RAPGEF5: variants seen among roughly 807,000 people sequenced by gnomAD.
RAPGEF5 encodes the protein Rap guanine nucleotide exchange factor 5, also known as M-Ras-regulated GEF.
A neutral mutation model predicts 125.2 loss-of-function variants in RAPGEF5; 65 were observed. The observed-to-expected ratio is 0.52, with a 90% CI of 0.43 to 0.64. The LOEUF (loss-of-function observed/expected upper bound fraction) is 0.64. RAPGEF5 is among the 30% of genes least tolerant of loss of function. RAPGEF5 has a pLI of 0.00. For synonymous variants in RAPGEF5, 391 were observed against 385.9 expected (o/e 1.01, Z -0.16); for missense variants, 958 against 1,048.1 (o/e 0.91, Z 1.19).
At position 22,130,490 on chromosome 7, in the gene RAPGEF5, G is replaced by GCT. The variant is rs557364978; in HGVS notation, c.2481+546_2481+547insAG. On this transcript the variant is annotated intron_variant, in intron 24 of 25. Transcript: ENST00000665637. ...AGCCGCTCTGGCCGTGGTGCTCAGG[G>GCT]ATGGCACCCTTTGTCCATAGGCTGA... 2.1e-3 allele frequency among the ~76,000 whole-genome samples: 325 copies of GCT among 152,272 alleles called. 3 individuals carry two copies. Among genetic ancestry groups the GCT allele is most frequent in the African/African-American group, 7.4e-3 (308 of 41,552 alleles).
At chr7:22,229,229 G>A (rs1399772996) in intron 8 of RAPGEF5, among the ~76,000 whole-genome samples, 4 of 152,196 alleles carry the variant, frequency 2.6e-5, no homozygotes, top group Non-Finnish European at 4.4e-5. Flanking sequence ...TTTAGTGAGA[G>A]TAAGAAAAAA....
rs143350471 is a variant in RAPGEF5 at position 22,147,432 on chromosome 7, A to G, written c.1885-413T>C. 1.6e-3 allele frequency among the ~76,000 whole-genome samples: 243 copies of G among 152,382 alleles called. 2 individuals are homozygous for G. The highest frequency in any genetic ancestry group is 5.6e-3 in the African/African-American group (232 of 41,596). On this transcript the variant is annotated intron_variant, in intron 18 of 25. Coordinates refer to ENST00000665637, the MANE Select transcript of RAPGEF5 (RefSeq NM_012294.5). ...AGAAGAAATGTCATGGTGCACTTCAATAAAGACAGACATGGCGTTTACAGG... is the reference window on the plus strand; with the variant it reads ...AGAAGAAATGTCATGGTGCACTTCAGTAAAGACAGACATGGCGTTTACAGG...
chr7:22,337,479 A>G lies in RAPGEF5; in HGVS notation c.231+19351T>C, dbSNP rs1373574234. On this transcript the variant is annotated intron_variant, in intron 1 of 25. Coordinates refer to ENST00000665637, the MANE Select transcript of RAPGEF5 (RefSeq NM_012294.5). ...AAACGGCTGATAATTGGTTAACTAT[A>G]CCTACATCTTAGCAGAATTCAGGAC... 2.6e-5 allele frequency among the ~76,000 whole-genome samples: 4 copies of G among 152,230 alleles called. 1 individual carries two copies. The highest frequency in any genetic ancestry group is 9.6e-5 in the African/African-American group (4 of 41,460).
intron 8 of RAPGEF5, among the ~76,000 whole-genome samples, chr7:22,223,168 C>T (rs887427312): frequency 4.0e-5 from 6 of 151,808 alleles, no homozygotes; most frequent in Admixed American, 2.0e-4. Context: ...TCTAGTGTTT[C>T]GATACTGGGA....
intron 16 of RAPGEF5, among the ~76,000 whole-genome samples, chr7:22,155,651 G>A (rs930077648): frequency 6.6e-6 from 1 of 152,180 alleles, no homozygotes; most frequent in African/African-American, 2.4e-5. Flanking sequence ...GGAGACACTT[G>A]ACATATTTGG....
intron 1 of RAPGEF5, among the ~76,000 whole-genome samples, chr7:22,332,222 A>C (rs1783936457): frequency 6.6e-6 from 1 of 152,222 alleles, no homozygotes; most frequent in African/African-American, 2.4e-5. Context: ...CTCCCGGTTG[A>C]AGGTTCTCTA....
At chr7:22,250,074 G>A (rs1474403326) in intron 7 of RAPGEF5, among the ~76,000 whole-genome samples, 1 of 152,122 alleles carries the variant, frequency 6.6e-6, no homozygotes. Context: ...TCTATCTATG[G>A]TTCCTTATCT....
At chr7:22,159,051 G>A (rs1783901180) in intron 14 of RAPGEF5, among the ~76,000 whole-genome samples, 1 of 152,164 alleles carries the variant, frequency 6.6e-6, no homozygotes, top group Non-Finnish European at 1.5e-5. Context: ...GTGTTTACAT[G>A]TATTAAACCA....
intron 6 of RAPGEF5, among the ~76,000 whole-genome samples, chr7:22,287,756 A>G (rs534517742): frequency 6.6e-6 from 1 of 152,348 alleles, no homozygotes; most frequent in Admixed American, 6.5e-5. Flanking sequence ...TGTCAACAGG[A>G]ACAACTATGT....
At chr7:22,344,598 C>G (rs1275567529) in intron 1 of RAPGEF5, among the ~76,000 whole-genome samples, 1 of 152,162 alleles carries the variant, frequency 6.6e-6, no homozygotes, top group East Asian at 1.9e-4. Flanking sequence ...TGACTGAACC[C>G]AACCTAAGCC....
intron 5 of RAPGEF5, among the ~76,000 whole-genome samples, chr7:22,303,044 T>A (rs1347148246): frequency 6.6e-6 from 1 of 152,206 alleles, no homozygotes; most frequent in Non-Finnish European, 1.5e-5. Context: ...GGAGCTGCTA[T>A]AACCACAGCT....
At chr7:22,273,282 A>G (rs1288724899) in intron 6 of RAPGEF5, among the ~76,000 whole-genome samples, 1 of 137,058 alleles carries the variant, frequency 7.3e-6, no homozygotes. Context: ...GCAGTGGCGC[A>G]ATCTCGGCTC....
At chr7:22,314,436 C>G (rs191787033) in intron 3 of RAPGEF5, 6 of 201,388 alleles carry the variant, frequency 3.0e-5, no homozygotes, top group Admixed American at 6.5e-5. Flanking sequence ...CTGGGAATTA[C>G]TATCCCAAAA....
rs1233338803 is a variant in RAPGEF5, at chr7:22,285,966, T to A, written c.747+5209A>T. Among the ~76,000 whole-genome samples the A allele has an allele frequency of 2.0e-5, 3 of 151,972 alleles. No homozygotes were observed. In the East Asian group the frequency reaches 5.8e-4, roughly 29 times the overall value. ...GGATAAAAGTTATAAACTGGGTGAG[T>A]TCTGTCATGGAACACAAGGGTGTAA... is the stretch of plus-strand genomic sequence containing the variant. On this transcript the variant is annotated intron_variant, in intron 6 of 25. Coordinates refer to ENST00000665637, the MANE Select transcript of RAPGEF5 (RefSeq NM_012294.5).
chr7:22,337,078 G>T (rs963853541), intron 1 of RAPGEF5, among the ~76,000 whole-genome samples: 13 of 152,230 alleles, frequency 8.5e-5, no homozygotes, highest in Non-Finnish European at 1.3e-4. Flanking sequence ...AATACAGAAA[G>T]AGTATAATAC....
At chr7:22,284,721 A>T (rs1583547898) in intron 6 of RAPGEF5, among the ~76,000 whole-genome samples, 2 of 152,156 alleles carry the variant, frequency 1.3e-5, no homozygotes, top group Admixed American at 1.3e-4. Context: ...TTGAATAGCC[A>T]TGTCTGATCA....
intron 7 of RAPGEF5, among the ~76,000 whole-genome samples, chr7:22,263,135 T>C (rs1282094778): frequency 6.6e-6 from 1 of 152,208 alleles, no homozygotes; most frequent in Non-Finnish European, 1.5e-5. Context: ...AACAGATTAG[T>C]GATTGCCAGG....
chr7:22,262,176 A>G (rs990416220), intron 7 of RAPGEF5, among the ~76,000 whole-genome samples: 1 of 152,162 alleles, frequency 6.6e-6, no homozygotes, highest in African/African-American at 2.4e-5. Context: ...AAGGACTACT[A>G]CCTAGAATAC....
chr7:22,134,386 A>G (rs1285568833), intron 23 of RAPGEF5, among the ~76,000 whole-genome samples: 1 of 152,238 alleles, frequency 6.6e-6, no homozygotes, highest in Non-Finnish European at 1.5e-5. Context: ...TTCTTTTGAA[A>G]TGAGTAAATG....
Sources: allele counts gnomAD v4.1 joint callset (sites outside exome capture counted in the v4.1 genomes callset), GRCh38; gene constraint gnomAD v4.1.1; transcripts MANE v1.5; gene names NCBI Gene and HGNC (gene_info 2026-07-23, HGNC 2026-07-21).